SNTG1: variants seen among roughly 807,000 people sequenced by gnomAD.
The protein encoded by SNTG1 is syntrophin gamma 1, also known as gamma-1-syntrophin.
A neutral mutation model predicts 74.7 loss-of-function variants in SNTG1; 39 were observed. The ratio of observed to expected loss-of-function variants is 0.52; its 90% CI spans 0.40 to 0.68. The LOEUF (loss-of-function observed/expected upper bound fraction) is 0.68. SNTG1 is among the 30% of genes least tolerant of loss of function. The probability of loss-of-function intolerance (pLI) is 0.00; values close to 1 mark genes in which losing one functional copy is unlikely to be tolerated. For missense variants in SNTG1, 685 were observed against 609.5 expected (o/e 1.12, Z -1.30); for synonymous variants, 254 against 217.1 (o/e 1.17, Z -1.49).
chr8:50,004,488 G>A (rs765563334), intron 1 of SNTG1, among the ~76,000 whole-genome samples: 11 of 152,200 alleles, frequency 7.2e-5, no homozygotes, highest in East Asian at 1.9e-4. Context: ...TGCACCCAGC[G>A]TTGTGCTTGC....
intron 9 of SNTG1, among the ~76,000 whole-genome samples, chr8:50,509,018 T>C (rs1235045626): frequency 5.9e-5 from 9 of 152,224 alleles, no homozygotes; most frequent in Non-Finnish European, 1.5e-5. Context: ...TGAATGGTAT[T>C]GCTTAGGTTT....
At chr8:50,480,755 T>C (rs888634450) in intron 8 of SNTG1, among the ~76,000 whole-genome samples, 1 of 152,160 alleles carries the variant, frequency 6.6e-6, no homozygotes, top group Admixed American at 6.6e-5. Context: ...TATTGCATGA[T>C]TTAATAATAA....
intron 12 of SNTG1, among the ~76,000 whole-genome samples, chr8:50,568,107 T>C (rs939532589): frequency 1.3e-5 from 2 of 152,114 alleles, no homozygotes; most frequent in Non-Finnish European, 2.9e-5. Context: ...TCATGCAATG[T>C]CTGTCTTTCT....
chr8:50,161,746 G>A (rs958531355), intron 1 of SNTG1, among the ~76,000 whole-genome samples: 4 of 151,450 alleles, frequency 2.6e-5, no homozygotes, highest in Non-Finnish European at 5.9e-5. Context: ...AAAAGGTATG[G>A]AAGAAACAGA....
intron 8 of SNTG1, among the ~76,000 whole-genome samples, chr8:50,456,833 A>G (rs986598954): frequency 6.6e-6 from 1 of 152,140 alleles, no homozygotes; most frequent in African/African-American, 2.4e-5. Context: ...CTCAGAAGGC[A>G]CACCTAAACC....
intron 1 of SNTG1, among the ~76,000 whole-genome samples, chr8:50,147,738 T>C (rs1006701974): frequency 6.6e-6 from 1 of 152,178 alleles, no homozygotes; most frequent in Non-Finnish European, 1.5e-5. Flanking sequence ...GACAGATACA[T>C]AAATTATATG....
At chr8:50,787,128 G>GA (rs369898342) in intron 18 of SNTG1, among the ~76,000 whole-genome samples, 12 of 149,270 alleles carry the variant, frequency 8.0e-5, no homozygotes, top group East Asian at 5.9e-4. Flanking sequence ...GGTTTTCAGA[G>GA]AAAAAAAAAG....
chr8:49,990,712 A>G (rs773195035), intron 1 of SNTG1, among the ~76,000 whole-genome samples: 10 of 152,142 alleles, frequency 6.6e-5, no homozygotes, highest in Non-Finnish European at 1.5e-4. Context: ...TGGAGAAAGA[A>G]GTGTCTTGTA....
chr8:50,422,001 A>G (rs2093093942), intron 4 of SNTG1, among the ~76,000 whole-genome samples: 1 of 152,146 alleles, frequency 6.6e-6, no homozygotes, highest in Admixed American at 6.6e-5. Flanking sequence ...CCAAGCCTCT[A>G]TAGAGTAAAT....
intron 2 of SNTG1, among the ~76,000 whole-genome samples, chr8:50,353,778 C>T (rs2091739263): frequency 6.6e-6 from 1 of 152,172 alleles, no homozygotes; most frequent in Non-Finnish European, 1.5e-5. Flanking sequence ...ATTATGGTAG[C>T]AGGAATGGTG....
intron 2 of SNTG1, among the ~76,000 whole-genome samples, chr8:50,375,993 G>A (rs1262243942): frequency 6.6e-6 from 1 of 151,688 alleles, no homozygotes; most frequent in Non-Finnish European, 1.5e-5. Context: ...GGTGAAGGCC[G>A]GTTAGTAAAG....
intron 1 of SNTG1, among the ~76,000 whole-genome samples, chr8:50,066,953 G>A (rs1003545707): frequency 7.2e-5 from 11 of 152,128 alleles, no homozygotes; most frequent in African/African-American, 1.9e-4. Context: ...AAAGAAGGAC[G>A]ATGAATTTGA....
chr8:50,432,613 A>G (rs2093250664), intron 4 of SNTG1, among the ~76,000 whole-genome samples: 1 of 152,146 alleles, frequency 6.6e-6, no homozygotes, highest in East Asian at 1.9e-4. Flanking sequence ...AAGGAATGAC[A>G]TCTTAAAAAT....
intron 13 of SNTG1, among the ~76,000 whole-genome samples, chr8:50,602,503 CATTT>C (rs1277976248): frequency 6.6e-6 from 1 of 152,110 alleles, no homozygotes; most frequent in Non-Finnish European, 1.5e-5. Flanking sequence ...ATTGGTTTAT[CATTT>C]AGTCTTTCTA....
Position 50,172,680 on chromosome 8 carries a change from G to GA in SNTG1, c.-28+51dup, listed in dbSNP as rs529476475. 9 of 150,306 alleles carry GA rather than the reference G, an allele frequency of 6.0e-5. No homozygotes were observed. In the South Asian group the frequency reaches 1.7e-3, roughly 28 times the overall value. 9.3% of individuals were successfully genotyped at this position (150,306 alleles called of 1,614,324 possible). ...ATAACGTATCATGTGTAAATTAGTG[G>GA]AAAAAATCAACTGTATTAGTCTACA... On this transcript the variant is annotated intron_variant, in intron 2 of 18. Coordinates refer to ENST00000642720, the MANE Select transcript of SNTG1 (RefSeq NM_018967.5).
chr8:49,927,178 T>C (rs1157102851), intron 1 of SNTG1, among the ~76,000 whole-genome samples: 1 of 152,156 alleles, frequency 6.6e-6, no homozygotes, highest in East Asian at 1.9e-4. Flanking sequence ...TAGAGCCACG[T>C]GGAATACAGT....
chr8:50,744,261 A>G (rs73678654), intron 17 of SNTG1, among the ~76,000 whole-genome samples: 6,902 of 152,126 alleles, frequency 0.045, 265 homozygotes, highest in African/African-American at 0.1. Context: ...CAACACACAT[A>G]CAAAAAGAGT....
chr8:50,197,213 A>G (rs912017287), intron 2 of SNTG1, among the ~76,000 whole-genome samples: 1 of 152,180 alleles, frequency 6.6e-6, no homozygotes, highest in Non-Finnish European at 1.5e-5. Flanking sequence ...TGGTCTATGG[A>G]AAACATCACC....
At chr8:50,152,150 C>T (rs1470318339) in intron 1 of SNTG1, among the ~76,000 whole-genome samples, 2 of 152,116 alleles carry the variant, frequency 1.3e-5, no homozygotes, top group East Asian at 3.9e-4. Context: ...TCTCCCTTTA[C>T]CATTATGTAA....
Sources: gnomAD v4.1 joint callset for allele counts (sites outside exome capture counted in the v4.1 genomes callset) on GRCh38, gnomAD v4.1.1 for gene constraint, MANE v1.5 for transcripts, NCBI Gene and HGNC (gene_info 2026-07-23, HGNC 2026-07-21) for gene names.